PATJ: variants seen among roughly 807,000 people sequenced by gnomAD.
PATJ encodes PATJ crumbs cell polarity complex component.
In PATJ, 190 loss-of-function variants were observed where a neutral mutation model predicts 224.9. The observed-to-expected ratio is 0.84, with a 90% CI of 0.75 to 0.95. PATJ has a LOEUF of 0.95. PATJ is among the 40% of genes least tolerant of loss of function. The pLI is 0.00. For synonymous variants in PATJ, 769 were observed against 820.3 expected, an observed-to-expected ratio of 0.94 and a Z score of 1.07; for missense variants, 2,121 against 2,270.3, an observed-to-expected ratio of 0.93 and a Z score of 1.34.
At chr1:62,078,327 G>A (rs142572603) in intron 31 of PATJ, among the ~76,000 whole-genome samples, 1,542 of 152,282 alleles carry the variant, frequency 0.01, 25 homozygotes, top group East Asian at 0.092. Flanking sequence ...TTGTTGCCCA[G>A]GCTGGAGTGC....
rs566274088 is a variant in PATJ, at chr1:61,903,437, T to C, written c.3381+1978T>C. On this transcript the variant is annotated intron_variant, in intron 24 of 43. Coordinates refer to ENST00000642238, the MANE Select transcript of PATJ (RefSeq NM_001350145.3). ...GGAGGAACAGATTTGGGGAGACATGTTTTAGACATGTTAGGCTAAGATGCC... is the reference window on the plus strand; with the variant it reads ...GGAGGAACAGATTTGGGGAGACATGCTTTAGACATGTTAGGCTAAGATGCC... Among the ~76,000 whole-genome samples the C allele has an allele frequency of 5.0e-3, 769 of 152,314 alleles. 4 individuals are homozygous for C. The highest frequency in any genetic ancestry group is 9.1e-3 in the Non-Finnish European group (621 of 68,018).
Position 61,861,661 on chromosome 1 carries a change from AC to A in PATJ, c.2436del (p.Lys813ArgfsTer19). 1.5e-6 allele frequency: 2 copies of A among 1,336,320 alleles called. No individual in the cohort carries two copies. Among genetic ancestry groups the A allele is most frequent in the Non-Finnish European group, 2.0e-6 (2 of 987,474 alleles). 82.8% of individuals were successfully genotyped at this position (1,336,320 alleles called of 1,614,324 possible). A position where few individuals can be genotyped will look rare whatever the true frequency, so the allele number is the denominator to read the frequency against. On this transcript the variant is annotated frameshift_variant, in exon 19 of 44. Coordinates refer to ENST00000642238, the MANE Select transcript of PATJ (RefSeq NM_001350145.3). LOFTEE classifies it high-confidence loss of function. ...TAAATTCATCTTTAATACTCGAAGC[AC>A]CCAAGGTATTTAATAAATTTATTTC... The part of the protein sequence containing the change: ...DINSSLILEA[P>X]KGFRDEPYFK...
At chr1:61,910,559 T>TA (rs1161061631) in intron 25 of PATJ, among the ~76,000 whole-genome samples, 2 of 138,748 alleles carry the variant, frequency 1.4e-5, no homozygotes, top group Non-Finnish European at 3.1e-5. Flanking sequence ...TTTTTTTTTT[T>TA]TTTTTGGAGA....
intron 18 of PATJ, among the ~76,000 whole-genome samples, chr1:61,856,531 A>G (rs1218594706): frequency 1.3e-5 from 2 of 152,150 alleles, no homozygotes; most frequent in African/African-American, 4.8e-5. Context: ...TACTATTTTC[A>G]TCTTTATGCT....
At chr1:62,146,105 A>G (rs1305943775) in intron 41 of PATJ, among the ~76,000 whole-genome samples, 1 of 152,196 alleles carries the variant, frequency 6.6e-6, no homozygotes, top group Admixed American at 6.5e-5. Context: ...GCCTCAGAGT[A>G]GTGAAGAAGC....
chr1:62,159,035 T>C (rs917145895), intron 43 of PATJ, among the ~76,000 whole-genome samples: 1 of 152,220 alleles, frequency 6.6e-6, no homozygotes, highest in African/African-American at 2.4e-5. Flanking sequence ...TACACAGATA[T>C]CTGAGATTTA....
chr1:62,045,153 G>A lies in PATJ; in HGVS notation c.4033-5813G>A, dbSNP rs183610039. On this transcript the variant is annotated intron_variant, in intron 30 of 43. Coordinates refer to ENST00000642238, the MANE Select transcript of PATJ (RefSeq NM_001350145.3). ...GGAGAATCACTTGAACCCAGGAGGC[G>A]GAGGTTGCAGTGAGCTGAGATCGTG... 6.4e-3 allele frequency among the ~76,000 whole-genome samples: 970 copies of A among 152,094 alleles called. 10 individuals carry two copies. Among genetic ancestry groups the A allele is most frequent in the South Asian group, 0.042 (204 of 4,814 alleles).
At position 62,156,091 on chromosome 1, in the gene PATJ, A is replaced by G. The variant is rs562533328; in HGVS notation, c.5502+2610A>G. 2.8e-3 allele frequency among the ~76,000 whole-genome samples: 415 copies of G among 146,530 alleles called. 4 individuals are homozygous for G. Among genetic ancestry groups the G allele is most frequent in the African/African-American group, 9.8e-3 (391 of 39,756 alleles). On this transcript the variant is annotated intron_variant, in intron 43 of 43. Transcript: ENST00000642238. ...AAAAAAAAAAAAAAAGAATATTCCA[A>G]TAGGGCAGGACATGGTGGCTCCACC...
At chr1:61,933,918 G>T (rs973888399) in intron 27 of PATJ, among the ~76,000 whole-genome samples, 2 of 151,506 alleles carry the variant, frequency 1.3e-5, no homozygotes, top group Admixed American at 6.6e-5. Context: ...AGTCTCTTTC[G>T]CATTCGTAGT....
In PATJ at chr1:61,874,176, A is replaced by T. The variant is rs573833220; in HGVS notation, c.2836-1067A>T. Among the ~76,000 whole-genome samples the T allele has an allele frequency of 2.4e-3, 122 of 50,538 alleles. 1 individual carries two copies. Among genetic ancestry groups the T allele is most frequent in the Admixed American group, 0.01 (49 of 4,770 alleles). 33.2% of individuals were successfully genotyped at this position (50,538 alleles called of 152,430 possible). On this transcript the variant is annotated intron_variant, in intron 20 of 43. Transcript: ENST00000642238. ...GAATGAGCTCCCTTGGGCCTATTTT[A>T]TTTATTTATTTATTTATTTATTTAT... is the stretch of plus-strand genomic sequence containing the variant.
intron 28 of PATJ, among the ~76,000 whole-genome samples, chr1:62,012,969 G>C (rs74494042): frequency 0.028 from 4,215 of 152,290 alleles, 184 homozygotes; most frequent in African/African-American, 0.098. Flanking sequence ...CTGCATAGCA[G>C]AGTTTCTCCA....
At chr1:62,123,475 T>C (rs1319043178) in intron 39 of PATJ, among the ~76,000 whole-genome samples, 3 of 127,578 alleles carry the variant, frequency 2.4e-5, no homozygotes, top group Non-Finnish European at 4.9e-5. Context: ...GTTTCTTTTT[T>C]TTTTTTTTTT....
chr1:61,992,832 T>C (rs1017615103), intron 28 of PATJ, among the ~76,000 whole-genome samples: 1 of 152,184 alleles, frequency 6.6e-6, no homozygotes, highest in Non-Finnish European at 1.5e-5. Context: ...CCGTAACTTG[T>C]CTCGATTCTT....
At chr1:62,055,629 A>G (rs1038717212) in intron 31 of PATJ, among the ~76,000 whole-genome samples, 1 of 152,232 alleles carries the variant, frequency 6.6e-6, no homozygotes, top group Non-Finnish European at 1.5e-5. Flanking sequence ...AATGAGGATG[A>G]TGCTGTCATT....
At chr1:61,840,638 T>A (rs1447273514) in intron 17 of PATJ, among the ~76,000 whole-genome samples, 1 of 152,094 alleles carries the variant, frequency 6.6e-6, no homozygotes, top group African/African-American at 2.4e-5. Flanking sequence ...GTATTTTTAT[T>A]GTTGATGTAC....
chr1:62,155,398 T>C (rs1570854598), intron 43 of PATJ, among the ~76,000 whole-genome samples: 1 of 152,140 alleles, frequency 6.6e-6, no homozygotes, highest in East Asian at 1.9e-4. Context: ...AACATACAGC[T>C]GGGAGCCAGA....
chr1:62,045,686 C>T (rs1652409027), intron 30 of PATJ, among the ~76,000 whole-genome samples: 1 of 152,202 alleles, frequency 6.6e-6, no homozygotes, highest in Admixed American at 6.5e-5. Flanking sequence ...CAGGAACACC[C>T]AGCCATCCGG....
chr1:62,101,581 A>C (rs1441534727), intron 33 of PATJ, among the ~76,000 whole-genome samples: 1 of 152,146 alleles, frequency 6.6e-6, no homozygotes. Context: ...GTAGTTTCTT[A>C]AGCAACATGA....
intron 27 of PATJ, among the ~76,000 whole-genome samples, chr1:61,978,367 G>T (rs1412661612): frequency 1.3e-5 from 2 of 151,848 alleles, no homozygotes. Flanking sequence ...CTAGGTTCAA[G>T]CGATTCTTCT....
Sources: gnomAD v4.1 joint callset for allele counts (sites outside exome capture counted in the v4.1 genomes callset) on GRCh38, gnomAD v4.1.1 for gene constraint, MANE v1.5 for transcripts, NCBI Gene and HGNC (gene_info 2026-07-23, HGNC 2026-07-21) for gene names.